Variants in ATAD1 observed in about 807,000 individuals in gnomAD.
ATAD1 encodes outer mitochondrial transmembrane helix translocase.
A neutral mutation model predicts 42.7 loss-of-function variants in ATAD1; 18 were observed. The observed-to-expected ratio is 0.42, with a 90% CI of 0.29 to 0.63. The LOEUF (loss-of-function observed/expected upper bound fraction) is 0.63, where lower values mean the gene tolerates loss of function less well. Ranked by LOEUF, ATAD1 falls within the 20% of genes least tolerant of loss-of-function variation. The probability of loss-of-function intolerance (pLI) is 0.19; values close to 1 mark genes in which losing one functional copy is unlikely to be tolerated. For synonymous variants in ATAD1, 132 were observed against 143.1 expected (o/e 0.92, Z 0.55); for missense variants, 294 against 440.4 (o/e 0.67, Z 2.98).
chr10:87,786,746 G>C (rs1424836241), intron 4 of ATAD1, among the ~76,000 whole-genome samples: 1 of 152,148 alleles, frequency 6.6e-6, no homozygotes, highest in East Asian at 1.9e-4. Flanking sequence ...CACGAGGTGA[G>C]GAGATCGAGA....
At chr10:87,814,232 A>C (rs1276877731) in intron 2 of ATAD1, among the ~76,000 whole-genome samples, 1 of 152,098 alleles carries the variant, frequency 6.6e-6, no homozygotes, top group Non-Finnish European at 1.5e-5. Flanking sequence ...TCTTCTGATA[A>C]GTTGTTTATA....
At chr10:87,823,891 C>T (rs189739531) in intron 1 of ATAD1, among the ~76,000 whole-genome samples, 194 of 152,252 alleles carry the variant, frequency 1.3e-3, no homozygotes, top group South Asian at 6.2e-3. Context: ...TCCTCCCACC[C>T]GTTTCTCTAA....
chr10:87,806,702 T>C (rs1190319757), intron 2 of ATAD1, among the ~76,000 whole-genome samples: 1 of 152,196 alleles, frequency 6.6e-6, no homozygotes, highest in East Asian at 1.9e-4. Flanking sequence ...CAGACCAAAG[T>C]ATGCCACTCT....
chr10:87,840,147 G>C lies in ATAD1; in HGVS notation c.-14+1040C>G, dbSNP rs572586748. On this transcript the variant is annotated intron_variant, in intron 1 of 4. Coordinates refer to the ATAD1 transcript ENST00000495903. ...GAAATTAAACCTTAATTGTGATTTG[G>C]CTACTTCCATCTTAGAGAAAATTAA... 5.3e-5 allele frequency among the ~76,000 whole-genome samples: 8 copies of C among 152,252 alleles called. No homozygotes were observed. The South Asian group carries it at 1.7e-3, about 32-fold the overall frequency.
chr10:87,779,360 A>T (rs1003239376), intron 5 of ATAD1, among the ~76,000 whole-genome samples: 1 of 152,162 alleles, frequency 6.6e-6, no homozygotes, highest in Non-Finnish European at 1.5e-5. Context: ...TATGTGAAAG[A>T]TACTGCTAAG....
chr10:87,790,465 C>G (rs374553926), intron 3 of ATAD1, 35 bp from the exon 4 acceptor site: 1 of 1,561,426 alleles, frequency 6.4e-7, no homozygotes, highest in Non-Finnish European at 8.6e-7. Context: ...AATTTTACTA[C>G]AAATGTACAC....
intron 5 of ATAD1, among the ~76,000 whole-genome samples, chr10:87,778,317 G>T (rs922311525): frequency 6.6e-6 from 1 of 151,162 alleles, no homozygotes; most frequent in African/African-American, 2.4e-5. Context: ...TTGCTTAGAA[G>T]AAACATACTA....
chr10:87,819,237 G>C (rs1384324404), upstream of ATAD1: 1 of 91,678 alleles, frequency 1.1e-5, no homozygotes, highest in African/African-American at 4.6e-5. Context: ...GACCAGCCTG[G>C]ACAACATAAT....
At chr10:87,839,516 A>T (rs1857990669) in intron 1 of ATAD1, among the ~76,000 whole-genome samples, 1 of 152,228 alleles carries the variant, frequency 6.6e-6, no homozygotes, top group South Asian at 2.1e-4. Flanking sequence ...ATCTAATAGT[A>T]AACAGAACAT....
chr10:87,791,408 T>TA (rs1282034915), intron 3 of ATAD1, among the ~76,000 whole-genome samples: 27 of 145,578 alleles, frequency 1.9e-4, no homozygotes, highest in African/African-American at 2.0e-4. Context: ...CTTCAAAATG[T>TA]AAAAAAAAAT....
intron 4 of ATAD1, among the ~76,000 whole-genome samples, chr10:87,787,527 G>A (rs1193570984): frequency 1.3e-5 from 2 of 152,136 alleles, no homozygotes; most frequent in Non-Finnish European, 2.9e-5. Flanking sequence ...CCAGAGGCAG[G>A]AGGATCATTT....
In ATAD1 at chr10:87,814,386, G is replaced by A. The variant is rs1337155819; in HGVS notation, c.162+52C>T. The stretch of plus-strand genomic sequence containing the variant: ...CTCTACCAAATTTTTAGTTTGAGGG[G>A]AAAATACTTGTTAGCCACAAGAAAA... On this transcript the variant is annotated intron_variant, in intron 2 of 9. Coordinates refer to ENST00000680024, the MANE Select transcript of ATAD1 (RefSeq NM_001321967.2). 5 of 1,491,774 alleles carry A rather than the reference G, an allele frequency of 3.4e-6. No individual in the cohort carries two copies. The East Asian group carries it at 1.2e-4, about 36-fold the overall frequency. 92.4% of individuals were successfully genotyped at this position (1,491,774 alleles called of 1,614,324 possible). A position where few individuals can be genotyped will look rare whatever the true frequency, so the allele number is the denominator to read the frequency against.
At chr10:87,818,080 G>C in intron 1 of ATAD1, 87 bp downstream of exon 1, 6 of 985,698 alleles carry the variant, frequency 6.1e-6, no homozygotes, top group Non-Finnish European at 7.2e-6. Context: ...TTTCCTCCGG[G>C]GGTTCCCAGG....
intron 1 of ATAD1, among the ~76,000 whole-genome samples, chr10:87,833,727 C>CTTTTT (rs3033524): frequency 5.3e-4 from 53 of 100,764 alleles, no homozygotes; most frequent in Admixed American, 1.3e-3. Flanking sequence ...TCTTTCTTTC[C>CTTTTT]TTTTTTTTTT....
At chr10:87,790,991 C>T (rs1302908857) in intron 3 of ATAD1, among the ~76,000 whole-genome samples, 4 of 116,966 alleles carry the variant, frequency 3.4e-5, no homozygotes, top group African/African-American at 1.7e-4. Context: ...CGGGACCAGC[C>T]TGGCCAACAT....
chr10:87,761,124 G>A (rs1221993487), intron 8 of ATAD1, among the ~76,000 whole-genome samples: 2 of 151,916 alleles, frequency 1.3e-5, no homozygotes, highest in Non-Finnish European at 2.9e-5. Flanking sequence ...GTATAAGTAT[G>A]ACAGTGCTCA....
chr10:87,763,176 G>T (rs533093223), intron 8 of ATAD1, among the ~76,000 whole-genome samples: 2 of 150,272 alleles, frequency 1.3e-5, no homozygotes, highest in South Asian at 4.2e-4. Flanking sequence ...GAGAATTTTA[G>T]GAATTTCTCT....
rs200421485 is a variant in ATAD1, at chr10:87,754,806, G to C, written c.967C>G (p.His323Asp). ...ACAGGCCGAATTTCATCTTCGTCAT[G>C]GCTAAAATGCAAACAAAACCATCAA... ...EYVNSTSEES[H>D]DEDEIRPVQQ... The change falls in exon 10 of 10, where the codon CAT becomes GAT. Residue 323 changes from histidine (H) to aspartate (D), a missense_variant and splice_region_variant. Transcript: ENST00000680024. The C allele has an allele frequency of 5.6e-6, 9 of 1,610,994 alleles. No individual in the cohort carries two copies.
At chr10:87,823,867 G>A (rs1056993521) in intron 1 of ATAD1, among the ~76,000 whole-genome samples, 10 of 152,040 alleles carry the variant, frequency 6.6e-5, no homozygotes, top group East Asian at 1.9e-4. Flanking sequence ...AATTAAGATC[G>A]CATAAAACCT....
Sources: gnomAD v4.1 joint callset for allele counts (sites outside exome capture counted in the v4.1 genomes callset) on GRCh38, gnomAD v4.1.1 for gene constraint, MANE v1.5 for transcripts, NCBI Gene and HGNC (gene_info 2026-07-23, HGNC 2026-07-21) for gene names.